Variants in ESRRG observed in about 807,000 individuals in gnomAD.
ESRRG encodes estrogen-related receptor gamma.
In ESRRG, 13 loss-of-function variants were observed where a neutral mutation model predicts 44.0. The ratio of observed to expected loss-of-function variants is 0.30; its 90% CI spans 0.19 to 0.47. The LOEUF is 0.47. Among genes scored for constraint, ESRRG ranks in the 20% least tolerant of loss-of-function variants. The pLI, the probability that ESRRG is intolerant of heterozygous loss-of-function variation, is 1.00. For missense variants in ESRRG, 395 were observed against 580.6 expected (o/e 0.68, Z 3.29); for synonymous variants, 215 against 214.6 (o/e 1.00, Z -0.02).
chr1:216,602,527 T>C (rs906543147), intron 3 of ESRRG, among the ~76,000 whole-genome samples: 3 of 152,216 alleles, frequency 2.0e-5, no homozygotes, highest in African/African-American at 7.2e-5. Context: ...TGTGTCAGTT[T>C]AATCCCCAGC....
rs1037549683 is a variant in ESRRG, at chr1:217,129,260, A to T, written c.-230+8407T>A. On this transcript the variant is annotated intron_variant, in intron 1 of 8. Coordinates refer to the ESRRG transcript ENST00000366940. ...AATATACTTGGCATCATTAGTTACT[A>T]GGAAAATACAAATCGAAACAACAGT... 2.0e-5 allele frequency among the ~76,000 whole-genome samples: 3 copies of T among 152,368 alleles called. 1 individual carries two copies. Among genetic ancestry groups the T allele is most frequent in the African/African-American group, 7.2e-5 (3 of 41,600 alleles).
intron 3 of ESRRG, among the ~76,000 whole-genome samples, chr1:216,603,002 A>C (rs1220937592): frequency 6.6e-6 from 1 of 152,210 alleles, no homozygotes; most frequent in Non-Finnish European, 1.5e-5. Context: ...CAATTGCTAT[A>C]GATAGCAAAA....
At position 217,101,916 on chromosome 1, in the gene ESRRG, C is replaced by A. The variant is rs907089758; in HGVS notation, c.-230+35751G>T. 1.3e-4 allele frequency among the ~76,000 whole-genome samples: 20 copies of A among 152,170 alleles called. 1 individual carries two copies. Reference sequence around the variant, plus strand: ...CTGCCTCCCAGGTTCAAGTGATTCTCCTGCCTCAGCCTCCCAAGTAGCTGG... The same window carrying A: ...CTGCCTCCCAGGTTCAAGTGATTCTACTGCCTCAGCCTCCCAAGTAGCTGG... On this transcript the variant is annotated intron_variant, in intron 1 of 8. Transcript: ENST00000366940.
At chr1:216,653,405 C>T (rs2069520724) in intron 2 of ESRRG, among the ~76,000 whole-genome samples, 2 of 152,172 alleles carry the variant, frequency 1.3e-5, no homozygotes. Context: ...GAATTATTTG[C>T]CTTCCTGAAT....
chr1:216,894,218 T>A (rs2058149125), intron 2 of ESRRG, among the ~76,000 whole-genome samples: 2 of 152,226 alleles, frequency 1.3e-5, no homozygotes, highest in South Asian at 4.1e-4. Flanking sequence ...ATGGGTCAGA[T>A]CAGGAAACTA....
intron 5 of ESRRG, among the ~76,000 whole-genome samples, chr1:216,557,840 G>T (rs1195645169): frequency 6.6e-6 from 1 of 152,158 alleles, no homozygotes; most frequent in Admixed American, 6.6e-5. Context: ...AGTACAAAGT[G>T]TAGTGTTAAA....
At chr1:216,802,379 G>A (rs1449857701) in intron 2 of ESRRG, among the ~76,000 whole-genome samples, 2 of 152,108 alleles carry the variant, frequency 1.3e-5, no homozygotes, top group African/African-American at 4.8e-5. Flanking sequence ...AGTCAAAAAA[G>A]AGAGAATTCA....
At chr1:217,083,208 CA>C (rs1405448796) in intron 1 of ESRRG, among the ~76,000 whole-genome samples, 1 of 151,870 alleles carries the variant, frequency 6.6e-6, no homozygotes, top group East Asian at 1.9e-4. Flanking sequence ...TCTGCAAGAC[CA>C]AAAAAACAAA....
intron 2 of ESRRG, among the ~76,000 whole-genome samples, chr1:216,758,987 AG>A (rs2092619502): frequency 6.6e-6 from 1 of 152,084 alleles, no homozygotes; most frequent in Non-Finnish European, 1.5e-5. Flanking sequence ...AGAGAAGTAA[AG>A]AAACTTGCAG....
intron 1 of ESRRG, among the ~76,000 whole-genome samples, chr1:217,063,737 A>G (rs2151379848): frequency 6.6e-6 from 1 of 152,338 alleles, no homozygotes. Context: ...CATCAGAATC[A>G]TAAGAGGTGT....
chr1:216,829,080 T>G (rs2095443632), intron 2 of ESRRG, among the ~76,000 whole-genome samples: 2 of 152,192 alleles, frequency 1.3e-5, no homozygotes, highest in South Asian at 4.1e-4. Flanking sequence ...TTTAGAAGAT[T>G]AAGCTATCTC....
chr1:216,562,030 C>A (rs1442663162), intron 5 of ESRRG, among the ~76,000 whole-genome samples: 1 of 152,206 alleles, frequency 6.6e-6, no homozygotes, highest in African/African-American at 2.4e-5. Context: ...CCTTTGTAAG[C>A]TGACATTTCT....
intron 1 of ESRRG, among the ~76,000 whole-genome samples, chr1:217,001,127 T>C (rs1246820281): frequency 1.3e-5 from 2 of 152,258 alleles, no homozygotes; most frequent in African/African-American, 4.8e-5. Flanking sequence ...TCTACAGAAA[T>C]GGTTCAACTA....
At chr1:217,090,132 A>AT (rs918992464), upstream of ESRRG, among the ~76,000 whole-genome samples, 2 of 151,848 alleles carry the variant, frequency 1.3e-5, no homozygotes, top group Non-Finnish European at 2.9e-5. Flanking sequence ...TATGCGTGTG[A>AT]TTTTTTTCCC....
intron 1 of ESRRG, among the ~76,000 whole-genome samples, chr1:217,037,222 A>C (rs2083058806): frequency 2.0e-5 from 3 of 152,188 alleles, no homozygotes; most frequent in Non-Finnish European, 4.4e-5. Flanking sequence ...CACTACTCCA[A>C]ATGTTTCATA....
At chr1:216,634,670 G>A (rs1013409971) in intron 3 of ESRRG, among the ~76,000 whole-genome samples, 2 of 152,156 alleles carry the variant, frequency 1.3e-5, no homozygotes, top group African/African-American at 4.8e-5. Context: ...CACCCAGCGA[G>A]CAGACTGCCC....
chr1:217,039,445 G>T (rs1008190121), intron 1 of ESRRG, among the ~76,000 whole-genome samples: 1 of 152,138 alleles, frequency 6.6e-6, no homozygotes, highest in African/African-American at 2.4e-5. Flanking sequence ...ATGGCATAAG[G>T]CAAGGAGGAG....
chr1:216,771,430 G>A (rs17043767), intron 2 of ESRRG, among the ~76,000 whole-genome samples: 24,752 of 152,030 alleles, frequency 0.16, 2,690 homozygotes, highest in East Asian at 0.31. Context: ...AAAATATGTA[G>A]AACAAGGAAG....
At chr1:216,734,904 CTTTTTT>C (rs11309409) in intron 2 of ESRRG, among the ~76,000 whole-genome samples, 5 of 100,368 alleles carry the variant, frequency 5.0e-5, no homozygotes, top group Admixed American at 1.3e-4. Flanking sequence ...GTTCCATATT[CTTTTTT>C]TTTTTTTTTT....
Sources: allele counts gnomAD v4.1 joint callset (sites outside exome capture counted in the v4.1 genomes callset), GRCh38; gene constraint gnomAD v4.1.1; transcripts MANE v1.5; gene names NCBI Gene and HGNC (gene_info 2026-07-23, HGNC 2026-07-21).